PKHD1L1: variants seen among roughly 807,000 people sequenced by gnomAD.
PKHD1L1 encodes PKHD1 like 1.
PKHD1L1 carries 434 observed loss-of-function variants against 462.9 expected under a neutral mutation model. The observed-to-expected ratio is 0.94, with a 90% confidence interval of 0.87 to 1.02. The LOEUF is 1.02. PKHD1L1 is among the 50% of genes least tolerant of loss of function. The pLI, the probability that PKHD1L1 is intolerant of heterozygous loss-of-function variation, is 0.00. For synonymous variants in PKHD1L1, 1,781 were observed against 1,750.0 expected, an observed-to-expected ratio of 1.02 and a Z score of -0.44; for missense variants, 5,202 against 5,096.1, an observed-to-expected ratio of 1.02 and a Z score of -0.63.
At chr8:109,516,202 T>C (rs747702772) in intron 72 of PKHD1L1, among the ~76,000 whole-genome samples, 1 of 152,098 alleles carries the variant, frequency 6.6e-6, no homozygotes, top group Non-Finnish European at 1.5e-5. Flanking sequence ...CAGGAAGTAA[T>C]TTGCCAAGAT....
chr8:109,393,919 G>C (rs1440176690), intron 9 of PKHD1L1, among the ~76,000 whole-genome samples: 1 of 152,090 alleles, frequency 6.6e-6, no homozygotes, highest in East Asian at 1.9e-4. Context: ...GCTCACGCCT[G>C]TAATCCCAGC....
intron 73 of PKHD1L1, among the ~76,000 whole-genome samples, chr8:109,521,548 C>T (rs1219205098): frequency 6.6e-6 from 1 of 151,936 alleles, no homozygotes; most frequent in Non-Finnish European, 1.5e-5. Context: ...AACTACTAGG[C>T]TTCTGAAAAA....
chr8:109,454,463 C>G (rs1384071977), intron 44 of PKHD1L1, among the ~76,000 whole-genome samples: 1 of 152,014 alleles, frequency 6.6e-6, no homozygotes, highest in Admixed American at 6.6e-5. Flanking sequence ...TCCCATAGAG[C>G]AGAATTTAAA....
intron 2 of PKHD1L1, among the ~76,000 whole-genome samples, chr8:109,370,598 G>A (rs529628457): frequency 6.6e-6 from 1 of 152,008 alleles, no homozygotes; most frequent in Non-Finnish European, 1.5e-5. Flanking sequence ...ATGTTGGTGT[G>A]CTGCACCCAT....
rs905272636 is a variant in PKHD1L1 at position 109,394,834 on chromosome 8, C to T, written c.811+349C>T. On this transcript the variant is annotated intron_variant, in intron 10 of 77. Transcript: ENST00000378402. ...ACCAGTATAGATGCCTCTCAATTTA[C>T]GATGGGGTGACCCCATCATAAGTTG... 3.3e-5 allele frequency among the ~76,000 whole-genome samples: 5 copies of T among 152,220 alleles called. No individual in the cohort carries two copies. In the East Asian group the frequency reaches 5.8e-4, roughly 18 times the overall value.
chr8:109,408,251 C>G (rs1813665008), intron 18 of PKHD1L1, 45 bp downstream of exon 18: 1 of 1,532,210 alleles, frequency 6.5e-7, no homozygotes, highest in Non-Finnish European at 8.9e-7. Flanking sequence ...CCTGCACCCT[C>G]TCACATCATT....
chr8:109,450,477 A>AT (rs747442829), intron 40 of PKHD1L1, among the ~76,000 whole-genome samples: 7 of 150,864 alleles, frequency 4.6e-5, no homozygotes, highest in Admixed American at 1.3e-4. Flanking sequence ...CTGATTAAAA[A>AT]ATATATATAT....
chr8:109,453,618 T>C (rs1288151998), intron 43 of PKHD1L1, among the ~76,000 whole-genome samples: 2 of 152,188 alleles, frequency 1.3e-5, no homozygotes, highest in African/African-American at 4.8e-5. Flanking sequence ...TATTAAATAT[T>C]GGACCTTTGG....
At chr8:109,388,471 T>G (rs1165745515) in intron 6 of PKHD1L1, 26 bp from the exon 7 acceptor site, 1 of 1,468,190 alleles carries the variant, frequency 6.8e-7, no homozygotes, top group South Asian at 1.2e-5. Context: ...ATAACTTGAT[T>G]TTTTCTAATA....
At chr8:109,448,930 A>G (rs1171964514) in intron 39 of PKHD1L1, among the ~76,000 whole-genome samples, 1 of 152,122 alleles carries the variant, frequency 6.6e-6, no homozygotes, top group Non-Finnish European at 1.5e-5. Flanking sequence ...CATCACTGGT[A>G]TGTAATTATT....
At chr8:109,521,936 C>T (rs1820572462) in intron 73 of PKHD1L1, among the ~76,000 whole-genome samples, 1 of 152,056 alleles carries the variant, frequency 6.6e-6, no homozygotes. Flanking sequence ...TGTTTTCATT[C>T]GTTTTTCTTG....
intron 21 of PKHD1L1, among the ~76,000 whole-genome samples, chr8:109,414,455 C>T (rs1428632251): frequency 6.6e-6 from 1 of 151,926 alleles, no homozygotes; most frequent in African/African-American, 2.4e-5. Context: ...TAAAAATAAC[C>T]ATGGTGGGAT....
chr8:109,436,229 G>C, intron 29 of PKHD1L1, 109 bp from the exon 30 acceptor site: 1 of 1,148,574 alleles, frequency 8.7e-7, no homozygotes, highest in Non-Finnish European at 1.2e-6. Flanking sequence ...TACATCTCTT[G>C]GATCATTAGA....
At chr8:109,517,175 G>A (rs1377157261) in intron 72 of PKHD1L1, among the ~76,000 whole-genome samples, 2 of 152,120 alleles carry the variant, frequency 1.3e-5, no homozygotes, top group Non-Finnish European at 2.9e-5. Context: ...ATAAATGTGT[G>A]TTTTATGGTA....
intron 55 of PKHD1L1, among the ~76,000 whole-genome samples, chr8:109,480,343 A>G (rs1818213393): frequency 6.6e-6 from 1 of 152,056 alleles, no homozygotes; most frequent in African/African-American, 2.4e-5. Flanking sequence ...AGGAGTAGTT[A>G]CTATAGGATT....
At chr8:109,400,545 C>T (rs1031243897) in intron 13 of PKHD1L1, among the ~76,000 whole-genome samples, 7 of 151,862 alleles carry the variant, frequency 4.6e-5, no homozygotes, top group Admixed American at 2.0e-4. Flanking sequence ...GAAAATTTCC[C>T]GTACCTGAAA....
Position 109,438,443 on chromosome 8 carries a change from A to C in PKHD1L1, c.3747A>C (p.Val1249=). The C allele has an allele frequency of 3.9e-6, 6 of 1,541,316 alleles. No individual in the cohort carries two copies. Among genetic ancestry groups the C allele is most frequent in the Non-Finnish European group, 5.3e-6 (6 of 1,141,374 alleles). ...TPIITDFSPK[V]RTILGEVNLT... ...TTATAACTGATTTTAGTCCAAAAGT[A>C]CGAACAATACTAGGTAAGAAATTCT... Residue 1249 remains valine, a synonymous_variant, in exon 31 of 78, where the codon GTA becomes GTC. Coordinates refer to ENST00000378402, the MANE Select transcript of PKHD1L1 (RefSeq NM_177531.6).
chr8:109,400,096 G>C lies in PKHD1L1; in HGVS notation c.1033G>C (p.Glu345Gln), dbSNP rs1291164360. 1 of 1,612,938 alleles carries C rather than the reference G, an allele frequency of 6.2e-7. No homozygotes were observed. The highest frequency in any genetic ancestry group is 8.5e-7 in the Non-Finnish European group (1 of 1,179,272). The change falls in exon 13 of 78, where the codon GAG becomes CAG. Residue 345 changes from glutamate (E) to glutamine (Q), a missense_variant. Glu to Gln is a conservative substitution (Grantham distance 29). Coordinates refer to ENST00000378402, the MANE Select transcript of PKHD1L1 (RefSeq NM_177531.6). Reference protein sequence around the residue: ...VYPGGRGLKLEVWNNSRPIRL... With the variant: ...VYPGGRGLKLQVWNNSRPIRL... ...CTTAGGAGGGAGAGGCCTGAAGCTT[G>C]AGGTGTGGAATAATAGCCGTCCAAT...
At chr8:109,403,065 A>T (rs979140706) in intron 14 of PKHD1L1, among the ~76,000 whole-genome samples, 3 of 152,172 alleles carry the variant, frequency 2.0e-5, no homozygotes, top group Non-Finnish European at 4.4e-5. Flanking sequence ...GGTTTTGGAA[A>T]ATGAGTTCAG....
Sources: gnomAD v4.1 joint callset for allele counts (sites outside exome capture counted in the v4.1 genomes callset) on GRCh38, gnomAD v4.1.1 for gene constraint, MANE v1.5 for transcripts, NCBI Gene and HGNC (gene_info 2026-07-23, HGNC 2026-07-21) for gene names.